The following RNF130 variants were observed in gnomAD, a reference collection of about 807,000 sequenced individuals.
RNF130 encodes the protein ring finger protein 130.
RNF130 carries 21 observed loss-of-function variants against 44.6 expected under a neutral mutation model. That is an observed-to-expected ratio of 0.47 (90% CI 0.33 to 0.68). The LOEUF (loss-of-function observed/expected upper bound fraction) is 0.68. Ranked by LOEUF, RNF130 falls within the 30% of genes least tolerant of loss-of-function variation. The pLI, the probability that RNF130 is intolerant of heterozygous loss-of-function variation, is 0.02. For missense variants in RNF130, 479 were observed against 560.6 expected (o/e 0.85, Z 1.47); for synonymous variants, 214 against 210.4 (o/e 1.02, Z -0.15).
intron 1 of RNF130, among the ~76,000 whole-genome samples, chr5:180,053,622 AT>A (rs1428328772): frequency 6.6e-6 from 1 of 152,104 alleles, no homozygotes; most frequent in Non-Finnish European, 1.5e-5. Context: ...AAGTTTTATT[AT>A]TTTTTTAAGT....
chr5:180,052,815 C>T (rs1470763747), intron 1 of RNF130, among the ~76,000 whole-genome samples: 2 of 152,142 alleles, frequency 1.3e-5, no homozygotes, highest in African/African-American at 2.4e-5. Flanking sequence ...AGAGATTGCT[C>T]ACCTGAGAAA....
chr5:179,987,079 A>T (rs1439984269), intron 3 of RNF130, among the ~76,000 whole-genome samples: 1 of 152,136 alleles, frequency 6.6e-6, no homozygotes, highest in Admixed American at 6.5e-5. Context: ...ACATATGGTC[A>T]CATAACCTGA....
intron 3 of RNF130, among the ~76,000 whole-genome samples, chr5:180,012,071 T>C (rs1187899063): frequency 6.6e-6 from 1 of 152,176 alleles, no homozygotes; most frequent in East Asian, 1.9e-4. Flanking sequence ...TTGGGTGTTT[T>C]ATATCTACTT....
intron 8 of RNF130, among the ~76,000 whole-genome samples, chr5:179,961,798 T>C (rs988672149): frequency 4.6e-5 from 7 of 152,082 alleles, no homozygotes; most frequent in African/African-American, 1.7e-4. Context: ...TGGTACTGTG[T>C]CCCACTTCAC....
chr5:180,046,065 C>T (rs966257691), intron 1 of RNF130, among the ~76,000 whole-genome samples: 1 of 152,178 alleles, frequency 6.6e-6, no homozygotes, highest in Non-Finnish European at 1.5e-5. Context: ...TCGGGCATGG[C>T]AGGCCCTGCC....
chr5:179,970,905 C>T (rs1016033332), intron 5 of RNF130, among the ~76,000 whole-genome samples: 2 of 152,164 alleles, frequency 1.3e-5, no homozygotes, highest in Admixed American at 1.3e-4. Flanking sequence ...GTGAAGAGTT[C>T]TCTGTATAGT....
intron 1 of RNF130, among the ~76,000 whole-genome samples, chr5:180,041,699 C>G (rs1185462317): frequency 6.6e-6 from 1 of 152,170 alleles, no homozygotes; most frequent in Non-Finnish European, 1.5e-5. Context: ...GTCAGCCCTG[C>G]CGGTCCTCTG....
chr5:180,013,775 C>A (rs1382842674), intron 2 of RNF130, among the ~76,000 whole-genome samples: 2 of 152,194 alleles, frequency 1.3e-5, no homozygotes, highest in African/African-American at 4.8e-5. Context: ...TAAATTGGTA[C>A]TTCTTGCACT....
At chr5:179,982,421 G>A (rs1762859704) in intron 3 of RNF130, among the ~76,000 whole-genome samples, 1 of 151,882 alleles carries the variant, frequency 6.6e-6, no homozygotes, top group Admixed American at 6.6e-5. Flanking sequence ...AGAAAGATGG[G>A]CTCACCTGAT....
chr5:180,048,335 A>C (rs1057302511), intron 1 of RNF130, among the ~76,000 whole-genome samples: 1 of 152,170 alleles, frequency 6.6e-6, no homozygotes, highest in Non-Finnish European at 1.5e-5. Flanking sequence ...GTCTGTTTCC[A>C]GGTTGCTCTG....
At chr5:179,940,932 T>C (rs921414353) in intron 7 of RNF130, among the ~76,000 whole-genome samples, 1 of 152,196 alleles carries the variant, frequency 6.6e-6, no homozygotes, top group Non-Finnish European at 1.5e-5. Flanking sequence ...TAGTCTCTCC[T>C]GACCTGCATT....
chr5:180,040,385 A>C (rs1376397942), intron 2 of RNF130, 68 bp downstream of exon 2: 1 of 1,425,420 alleles, frequency 7.0e-7, no homozygotes, highest in Non-Finnish European at 9.7e-7. Flanking sequence ...GCAGAGGCAG[A>C]ATGCTTACCT....
intron 1 of RNF130, among the ~76,000 whole-genome samples, chr5:180,048,334 C>T (rs1004434990): frequency 6.6e-6 from 1 of 152,126 alleles, no homozygotes; most frequent in African/African-American, 2.4e-5. Flanking sequence ...TGTCTGTTTC[C>T]AGGTTGCTCT....
At chr5:180,055,797 C>T (rs1764804714) in intron 1 of RNF130, among the ~76,000 whole-genome samples, 1 of 152,146 alleles carries the variant, frequency 6.6e-6, no homozygotes, top group Admixed American at 6.5e-5. Flanking sequence ...ACAACCATCA[C>T]CATTACAACT....
intron 2 of RNF130, among the ~76,000 whole-genome samples, chr5:180,029,041 C>T (rs915256385): frequency 2.6e-5 from 4 of 152,236 alleles, no homozygotes; most frequent in East Asian, 1.9e-4. Context: ...TTAAGGACTC[C>T]GTTACCCGAA....
rs541807062 is a variant in RNF130, at chr5:179,941,912, T to C, written c.1151-21486A>G. On this transcript the variant is annotated intron_variant, in intron 7 of 7. Coordinates refer to the RNF130 transcript ENST00000522208. ...GATTAACGGAATTTAAAAAATGAAATAGAGAAGTACATTCTGCAAGTCTCT... is the reference window on the plus strand; with the variant it reads ...GATTAACGGAATTTAAAAAATGAAACAGAGAAGTACATTCTGCAAGTCTCT... Among the ~76,000 whole-genome samples the C allele has an allele frequency of 2.0e-5, 3 of 152,144 alleles. No homozygotes were observed. In the South Asian group the frequency reaches 6.2e-4, roughly 32 times the overall value.
chr5:179,951,049 G>A (rs185905745), downstream of RNF130, among the ~76,000 whole-genome samples: 3 of 152,232 alleles, frequency 2.0e-5, no homozygotes, highest in African/African-American at 7.2e-5. Context: ...AAACATGCTC[G>A]GCTGAACTCT....
intron 3 of RNF130, among the ~76,000 whole-genome samples, chr5:180,000,157 G>A (rs969033358): frequency 2.0e-5 from 3 of 152,162 alleles, no homozygotes; most frequent in Admixed American, 6.5e-5. Context: ...CATTTCTGAA[G>A]GATGGCTTTG....
chr5:180,029,169 T>C (rs1452158896), intron 2 of RNF130, among the ~76,000 whole-genome samples: 2 of 152,158 alleles, frequency 1.3e-5, no homozygotes, highest in Admixed American at 1.3e-4. Flanking sequence ...AACTAAAACA[T>C]TTTTTTCTTC....
Sources: gnomAD v4.1 joint callset for allele counts (sites outside exome capture counted in the v4.1 genomes callset) on GRCh38, gnomAD v4.1.1 for gene constraint, MANE v1.5 for transcripts, NCBI Gene and HGNC (gene_info 2026-07-23, HGNC 2026-07-21) for gene names.